Variants in ATL1 observed in about 807,000 individuals in gnomAD.
ATL1 encodes atlastin GTPase 1.
In ATL1, 31 loss-of-function variants were observed where a neutral mutation model predicts 75.5. That is an observed-to-expected ratio of 0.41 (90% CI 0.31 to 0.55). The LOEUF (loss-of-function observed/expected upper bound fraction) is 0.55. ATL1 is among the 20% of genes least tolerant of loss of function. The pLI is 0.27. For missense variants in ATL1, 405 were observed against 662.6 expected, an observed-to-expected ratio of 0.61 and a Z score of 4.27; for synonymous variants, 226 against 233.3, an observed-to-expected ratio of 0.97 and a Z score of 0.28.
At chr14:50,599,082 T>G (rs575373748) in intron 6 of ATL1, among the ~76,000 whole-genome samples, 1 of 151,914 alleles carries the variant, frequency 6.6e-6, no homozygotes, top group South Asian at 2.1e-4. Context: ...AAAAAATTGA[T>G]GCATATTACT....
intron 8 of ATL1, among the ~76,000 whole-genome samples, chr14:50,617,195 A>T (rs2039423749): frequency 6.6e-6 from 1 of 152,194 alleles, no homozygotes; most frequent in Admixed American, 6.5e-5. Flanking sequence ...AAAAACTGAT[A>T]ATAATATGAT....
intron 1 of ATL1, among the ~76,000 whole-genome samples, chr14:50,560,697 T>C (rs934590477): frequency 1.2e-4 from 18 of 151,906 alleles, no homozygotes; most frequent in African/African-American, 1.7e-4. Context: ...GGGCGAGGGG[T>C]CGGGGATCTA....
At chr14:50,623,849 G>A (rs964834136) in intron 11 of ATL1, among the ~76,000 whole-genome samples, 10 of 152,010 alleles carry the variant, frequency 6.6e-5, no homozygotes, top group Admixed American at 3.9e-4. Context: ...TCAGGAGTTC[G>A]AGACCAGTCT....
At chr14:50,536,526 T>C (rs958690203) in intron 1 of ATL1, among the ~76,000 whole-genome samples, 1 of 151,738 alleles carries the variant, frequency 6.6e-6, no homozygotes, top group African/African-American at 2.4e-5. Context: ...TGGAACTGGG[T>C]AACAGGCAGA....
intron 1 of ATL1, among the ~76,000 whole-genome samples, chr14:50,582,308 A>C (rs1325785140): frequency 1.3e-5 from 2 of 152,088 alleles, no homozygotes; most frequent in African/African-American, 4.8e-5. Flanking sequence ...ACAGTTAAAA[A>C]TCATCTCACA....
At chr14:50,562,749 T>C (rs919704346) in intron 1 of ATL1, among the ~76,000 whole-genome samples, 23 of 152,194 alleles carry the variant, frequency 1.5e-4, no homozygotes, top group Non-Finnish European at 3.1e-4. Flanking sequence ...TGATGTTCTA[T>C]GGAAATGCTT....
At chr14:50,552,847 T>C (rs2038719812) in intron 1 of ATL1, among the ~76,000 whole-genome samples, 1 of 152,114 alleles carries the variant, frequency 6.6e-6, no homozygotes, top group African/African-American at 2.4e-5. Context: ...TCTCACCTTA[T>C]AGAAAAATCA....
intron 1 of ATL1, among the ~76,000 whole-genome samples, chr14:50,571,689 G>A (rs1022125889): frequency 7.9e-5 from 12 of 152,034 alleles, no homozygotes; most frequent in African/African-American, 2.9e-4. Context: ...GGCTAGTCAT[G>A]TTGTATTTCC....
chr14:50,632,558 T>G lies in ATL1; in HGVS notation c.*219T>G. On this transcript the variant is annotated 3_prime_UTR_variant, in exon 14 of 14. Transcript: ENST00000358385. Reference sequence around the variant, plus strand: ...TTGTTAACATGTACAATTTCCTGATTTTTCTTCAAAAATGCTGTTATAAAG... The same window carrying G: ...TTGTTAACATGTACAATTTCCTGATGTTTCTTCAAAAATGCTGTTATAAAG... 2 of 420,564 alleles carry G rather than the reference T, an allele frequency of 4.8e-6. No individual in the cohort carries two copies. The highest frequency in any genetic ancestry group is 8.9e-6 in the Non-Finnish European group (2 of 225,060). The allele number at this position is 420,564 out of a possible 1,614,324, so 26.1% of individuals were successfully genotyped here.
intron 13 of ATL1, among the ~76,000 whole-genome samples, chr14:50,631,617 A>G (rs769866676): frequency 6.6e-6 from 1 of 152,192 alleles, no homozygotes; most frequent in Non-Finnish European, 1.5e-5. Flanking sequence ...ACAGAGAACA[A>G]TAAGAGGTAG....
chr14:50,595,556 G>A lies in ATL1; in HGVS notation c.574-20G>A, dbSNP rs1404434360. On this transcript the variant is annotated intron_variant, in intron 5 of 13. Transcript: ENST00000358385. ...TCTCTCTCTCTCTGTGTATGTGTGT[G>A]TGTGTAATTTTTTTTCTAGCTTTTC... 1 of 1,612,366 alleles carries A rather than the reference G, an allele frequency of 6.2e-7. No homozygotes were observed. Among genetic ancestry groups the A allele is most frequent in the Admixed American group, 1.7e-5 (1 of 59,994 alleles).
At position 50,632,896 on chromosome 14, in the gene ATL1, A is replaced by T. The variant is rs572294902; in HGVS notation, c.*557A>T. The T allele has an allele frequency of 1.3e-5, 2 of 153,148 alleles. No homozygotes were observed. The highest frequency in any genetic ancestry group is 4.8e-5 in the African/African-American group (2 of 41,568). 9.5% of individuals were successfully genotyped at this position (153,148 alleles called of 1,614,324 possible). On this transcript the variant is annotated 3_prime_UTR_variant, in exon 14 of 14. Transcript: ENST00000358385. ...TTTAATAGAATATAAACCTCTTGAT[A>T]AAAAATGCACAAAAAATCACTTTGT... is the stretch of plus-strand genomic sequence containing the variant.
chr14:50,617,115 T>C (rs896635967), intron 8 of ATL1, among the ~76,000 whole-genome samples: 1 of 152,248 alleles, frequency 6.6e-6, no homozygotes, highest in Non-Finnish European at 1.5e-5. Context: ...ACCATTGTTA[T>C]AATAACTATT....
Position 50,592,944 on chromosome 14 carries a change from A to G in ATL1, c.523-902A>G, listed in dbSNP as rs186540349. On this transcript the variant is annotated intron_variant, in intron 4 of 13. Coordinates refer to ENST00000358385, the MANE Select transcript of ATL1 (RefSeq NM_015915.5). ...AAAAAAAAAAAATATATATATATAT[A>G]TATGTGTGTGTGTGTGTGTGTAAAT... Among the ~76,000 whole-genome samples the G allele has an allele frequency of 3.0e-4, 39 of 131,230 alleles. No individual in the cohort carries two copies. The East Asian group carries it at 7.4e-3, about 25-fold the overall frequency. The allele number at this position is 131,230 out of a possible 152,430, so 86.1% of individuals were successfully genotyped here. A position where few individuals can be genotyped will look rare whatever the true frequency, so the allele number is the denominator to read the frequency against.
intron 1 of ATL1, among the ~76,000 whole-genome samples, chr14:50,538,798 C>T (rs1245958832): frequency 6.6e-6 from 1 of 152,150 alleles, no homozygotes; most frequent in Non-Finnish European, 1.5e-5. Context: ...TCGCTTAACC[C>T]TGTCATCTAA....
At chr14:50,567,846 A>G (rs954834832) in intron 1 of ATL1, among the ~76,000 whole-genome samples, 8 of 152,168 alleles carry the variant, frequency 5.3e-5, no homozygotes, top group Non-Finnish European at 1.2e-4. Context: ...GTTGAAGAAA[A>G]TATTTAGTAT....
In ATL1 at chr14:50,628,271, G is replaced by GTCA; in HGVS notation, c.1363_1365dup (p.Ile455dup). The GTCA allele has an allele frequency of 6.2e-7, 1 of 1,614,172 alleles. No homozygotes were observed. The highest frequency in any genetic ancestry group is 1.1e-5 in the South Asian group (1 of 91,072). On this transcript the variant is annotated inframe_insertion, in exon 12 of 14. Coordinates refer to ENST00000358385, the MANE Select transcript of ATL1 (RefSeq NM_015915.5). ...TCGTACCCCAGCCACACTGTTTGTAGTCATCTTTATCACATATGTGATTGC... is the reference window on the plus strand; with the variant it reads ...TCGTACCCCAGCCACACTGTTTGTAGTCATCATCTTTATCACATATGTGATTGC...
At chr14:50,567,955 C>CT (rs1170828321) in intron 1 of ATL1, among the ~76,000 whole-genome samples, 1 of 152,112 alleles carries the variant, frequency 6.6e-6, no homozygotes, top group Non-Finnish European at 1.5e-5. Flanking sequence ...AATGTGTATT[C>CT]TATTGTTGTT....
intron 1 of ATL1, among the ~76,000 whole-genome samples, chr14:50,578,870 A>T (rs892522229): frequency 6.6e-6 from 1 of 152,142 alleles, no homozygotes; most frequent in African/African-American, 2.4e-5. Flanking sequence ...TTTCATAGTT[A>T]TTTGCCAAAT....
Sources: allele counts gnomAD v4.1 joint callset (sites outside exome capture counted in the v4.1 genomes callset), GRCh38; gene constraint gnomAD v4.1.1; transcripts MANE v1.5; gene names NCBI Gene and HGNC (gene_info 2026-07-23, HGNC 2026-07-21).